TRPM2: variants seen among roughly 807,000 people sequenced by gnomAD.
The protein encoded by TRPM2 is transient receptor potential cation channel subfamily M member 2.
A neutral mutation model predicts 174.0 loss-of-function variants in TRPM2; 161 were observed. The observed-to-expected ratio is 0.93, with a 90% CI of 0.81 to 1.05. The LOEUF is 1.05. Ranked by LOEUF, TRPM2 falls within the 50% of genes least tolerant of loss-of-function variation. The pLI, the probability that TRPM2 is intolerant of heterozygous loss-of-function variation, is 0.00. For missense variants in TRPM2, 2,057 were observed against 2,038.0 expected, an observed-to-expected ratio of 1.01 and a Z score of -0.18; for synonymous variants, 954 against 861.3, an observed-to-expected ratio of 1.11 and a Z score of -1.88.
rs199973362 is a variant in TRPM2, at chr21:44,382,866, T to G, written c.1318+46T>G. 5.2e-3 allele frequency: 7,967 copies of G among 1,535,018 alleles called. 25 individuals are homozygous for G. The highest frequency in any genetic ancestry group is 6.5e-3 in the Non-Finnish European group (7,275 of 1,119,416). ...GGGCAATGGGGTGGAGGCCAGAACG[T>G]GAGCTCTGAGGACGCCAAGTTCTAG... is the stretch of plus-strand genomic sequence containing the variant. On this transcript the variant is annotated intron_variant, in intron 9 of 31. Transcript: ENST00000397928.
chr21:44,374,767 G>A (rs780523069), intron 5 of TRPM2, among the ~76,000 whole-genome samples: 1 of 152,066 alleles, frequency 6.6e-6, no homozygotes, highest in East Asian at 1.9e-4. Flanking sequence ...ATGAAGCTTC[G>A]CTCGTTCACC....
At position 44,367,823 on chromosome 21, in the gene TRPM2, G is replaced by A. The variant is rs898959741; in HGVS notation, c.604+889G>A. Among the ~76,000 whole-genome samples the A allele has an allele frequency of 1.3e-5, 2 of 152,268 alleles. No homozygotes were observed. The highest frequency in any genetic ancestry group is 2.1e-4 in the South Asian group (1 of 4,830). On this transcript the variant is annotated intron_variant, in intron 4 of 31. Coordinates refer to ENST00000397928, the MANE Select transcript of TRPM2 (RefSeq NM_003307.4). The surrounding 1 kb of genome is among the most constrained non-coding windows in gnomAD (Gnocchi z 4.6). ...TGTCTGCCTGGTGAGCGTGAGGCAC[G>A]GCTGCATCTTTTGACCTGTGAGTCC...
In TRPM2 at chr21:44,354,560, C is replaced by G. The variant is rs2048001536; in HGVS notation, c.166-88C>G. 3.4e-6 allele frequency: 4 copies of G among 1,190,136 alleles called. No homozygotes were observed. Among genetic ancestry groups the G allele is most frequent in the Non-Finnish European group, 5.0e-6 (4 of 800,866 alleles). The allele number at this position is 1,190,136 out of a possible 1,614,324, so 73.7% of individuals were successfully genotyped here. A position where few individuals can be genotyped will look rare whatever the true frequency, so the allele number is the denominator to read the frequency against. On this transcript the variant is annotated intron_variant, in intron 1 of 31. Coordinates refer to ENST00000397928, the MANE Select transcript of TRPM2 (RefSeq NM_003307.4). This position sits in a 1 kb window ranked among gnomAD's most constrained non-coding sequence, Gnocchi z 4.3. ...TTCCTTCAAGCAAATAGTGTGAAAG[C>G]TCCTCAAGGAGCTCAGATGTGTCTC...
At chr21:44,422,361 G>A (rs776250950) in intron 22 of TRPM2, 189 of 1,536,036 alleles carry the variant, frequency 1.2e-4, no homozygotes, top group Non-Finnish European at 1.4e-4. Context: ...ACGCGGGTCC[G>A]AGAAGGCTCC....
rs1569106318 is a variant in TRPM2, at chr21:44,425,825, G to C, written c.3793G>C (p.Glu1265Gln). ...FPVPNEKVPW[E>Q]TEFLIYDPPF... ...CGTGCCCAACGAGAAGGTGCCCTGG[G>C]AGGTGAGCGCCTGCCCAAGCCCAAC... Residue 1265 changes from glutamate (E) to glutamine (Q), a missense_variant and splice_region_variant, in exon 25 of 32, where the codon GAG (glutamate) becomes CAG (glutamine). By Grantham distance (29) the Glu-to-Gln change is conservative (BLOSUM62 2). Transcript: ENST00000397928. The C allele has an allele frequency of 1.3e-6, 2 of 1,569,792 alleles. No individual in the cohort carries two copies.
intron 17 of TRPM2, among the ~76,000 whole-genome samples, 189 bp from the exon 18 acceptor site, chr21:44,405,716 T>C (rs2049846229): frequency 6.6e-6 from 1 of 152,134 alleles, no homozygotes; most frequent in African/African-American, 2.4e-5. Context: ...GCTGGGCGTC[T>C]GAAGAAAAGT....
chr21:44,402,664 G>A (rs559740088), intron 16 of TRPM2, among the ~76,000 whole-genome samples: 1 of 152,296 alleles, frequency 6.6e-6, no homozygotes, highest in South Asian at 2.1e-4. Flanking sequence ...CCCTCATCAG[G>A]CGGACATTCC....
chr21:44,351,194 G>C (rs2122996746), upstream of TRPM2, among the ~76,000 whole-genome samples: 4 of 152,214 alleles, frequency 2.6e-5, no homozygotes, highest in Non-Finnish European at 4.4e-5. Flanking sequence ...CTCTCGAGTC[G>C]CCTGGTCCTG....
rs1033104588 is a variant in TRPM2, at chr21:44,422,287, G to A, written c.3462-1358G>A. ...GCCCACAGGGCAGGGCTGGAGCTTT[G>A]GGGGTCAAGGACAAGCTCTGTCTGC... On this transcript the variant is annotated intron_variant, in intron 22 of 31. Coordinates refer to ENST00000397928, the MANE Select transcript of TRPM2 (RefSeq NM_003307.4). The A allele has an allele frequency of 3.9e-6, 6 of 1,535,934 alleles. No homozygotes were observed. In the African/African-American group the frequency reaches 8.2e-5, roughly 21 times the overall value.
At chr21:44,355,404 C>G (rs1353791852) in intron 2 of TRPM2, among the ~76,000 whole-genome samples, 30 of 152,230 alleles carry the variant, frequency 2.0e-4, no homozygotes, top group Admixed American at 2.0e-3. Context: ...ATTTCATGCT[C>G]TTCCACAAAT....
chr21:44,377,707 T>C lies in TRPM2; in HGVS notation c.953-5T>C, dbSNP rs762556780. 2 of 1,614,100 alleles carry C rather than the reference T, an allele frequency of 1.2e-6. No individual in the cohort carries two copies. The highest frequency in any genetic ancestry group is 1.7e-5 in the Admixed American group (1 of 60,030). Reference sequence around the variant, plus strand: ...GGCCCTCACTCGGCTGTGTGCTTTTTCTAGGTGTGGCCATCAAGATCCCCA... The same window carrying C: ...GGCCCTCACTCGGCTGTGTGCTTTTCCTAGGTGTGGCCATCAAGATCCCCA... On this transcript the variant is annotated splice_region_variant and splice_polypyrimidine_tract_variant and intron_variant, in intron 6 of 31. Transcript: ENST00000397928.
chr21:44,407,941 T>C lies in TRPM2; in HGVS notation c.2962+1176T>C, dbSNP rs551106893. Among the ~76,000 whole-genome samples, 9 of 151,868 alleles carry C rather than the reference T, an allele frequency of 5.9e-5. No individual in the cohort carries two copies. In the South Asian group the frequency reaches 1.0e-3, roughly 18 times the overall value. On this transcript the variant is annotated intron_variant, in intron 19 of 31. Coordinates refer to ENST00000397928, the MANE Select transcript of TRPM2 (RefSeq NM_003307.4). ...ATTAATTAATATTTAATTTTTTTTTTCCCCTAGAGGGAGTCTCGCTCTGTT... is the reference window on the plus strand; with the variant it reads ...ATTAATTAATATTTAATTTTTTTTTCCCCCTAGAGGGAGTCTCGCTCTGTT...
At chr21:44,400,671 C>T (rs1398990035) in intron 15 of TRPM2, among the ~76,000 whole-genome samples, 1 of 152,234 alleles carries the variant, frequency 6.6e-6, no homozygotes, top group East Asian at 1.9e-4. Flanking sequence ...CTCCTGCCGG[C>T]ACTGTAGACC....
Position 44,427,037 on chromosome 21 carries a change from G to T in TRPM2, c.3900G>T (p.Gln1300His). The change falls in exon 27 of 32, where the codon CAG (glutamine) becomes CAT (histidine). Residue 1300 changes from glutamine (Q) to histidine (H), a missense_variant. Coordinates refer to ENST00000397928, the MANE Select transcript of TRPM2 (RefSeq NM_003307.4). ...CCCTGGAGCCACTGTCCACGATCCA[G>T]TACAACGTGGTGGATGGCCTGAGGG... ...GDTLEPLSTI[Q>H]YNVVDGLRDR... 1 of 1,606,158 alleles carries T rather than the reference G, an allele frequency of 6.2e-7. No individual in the cohort carries two copies.
In TRPM2 at chr21:44,397,369, T is replaced by TA. The variant is rs976718443; in HGVS notation, c.1933-370dup. 3.9e-5 allele frequency among the ~76,000 whole-genome samples: 6 copies of TA among 152,022 alleles called. No homozygotes were observed. In the East Asian group the frequency reaches 5.8e-4, roughly 15 times the overall value. ...GGAATTTTTAAATTAAAAGTTCTGC[T>TA]AAAAAAAACTGGTTCTGTGGTTATG... On this transcript the variant is annotated intron_variant, in intron 12 of 31. Coordinates refer to ENST00000397928, the MANE Select transcript of TRPM2 (RefSeq NM_003307.4).
intron 11 of TRPM2, among the ~76,000 whole-genome samples, chr21:44,394,813 G>A (rs535970178): frequency 2.6e-5 from 4 of 152,304 alleles, no homozygotes; most frequent in Admixed American, 6.5e-5. Context: ...CACTTGAGGT[G>A]TGTTTTGTAC....
intron 7 of TRPM2, 79 bp downstream of exon 7, chr21:44,377,852 C>T: frequency 1.3e-6 from 2 of 1,518,384 alleles, no homozygotes; most frequent in Non-Finnish European, 1.8e-6. Flanking sequence ...GTGCTTGTCT[C>T]AGAACTCAAG....
At position 44,439,213 on chromosome 21, in the gene TRPM2, G is replaced by T; in HGVS notation, c.4269+45G>T. 6.4e-7 allele frequency: 1 copy of T among 1,562,190 alleles called. No individual in the cohort carries two copies. The stretch of plus-strand genomic sequence containing the variant: ...TCTGTTCCACCTGTGTGTCCCCAGG[G>T]CTGCAGGACAAACACAGTGTGATAC... On this transcript the variant is annotated intron_variant, in intron 30 of 31. Transcript: ENST00000397928. This position sits in a 1 kb window ranked among gnomAD's most constrained non-coding sequence, Gnocchi z 5.1.
Position 44,391,658 on chromosome 21 carries a change from C to T in TRPM2, c.1794+33C>T, listed in dbSNP as rs1396059829. 6 of 1,514,400 alleles carry T rather than the reference C, an allele frequency of 4.0e-6. No individual in the cohort carries two copies. Among genetic ancestry groups the T allele is most frequent in the Non-Finnish European group, 3.5e-6 (4 of 1,134,420 alleles). The allele number at this position is 1,514,400 out of a possible 1,614,324, so 93.8% of individuals were successfully genotyped here. The stretch of plus-strand genomic sequence containing the variant: ...CTGGTAACGGGGCCCATCCTGGACT[C>T]GTCTTCGCGGGCTACTGCTATGTTC... On this transcript the variant is annotated intron_variant, in intron 11 of 31. Coordinates refer to ENST00000397928, the MANE Select transcript of TRPM2 (RefSeq NM_003307.4). This position sits in a 1 kb window ranked among gnomAD's most constrained non-coding sequence, Gnocchi z 5.0.
Sources: gnomAD v4.1 joint callset for allele counts (sites outside exome capture counted in the v4.1 genomes callset) on GRCh38, gnomAD v4.1.1 for gene constraint, Gnocchi (gnomAD v3.1) non-coding constraint, MANE v1.5 for transcripts, NCBI Gene and HGNC (gene_info 2026-07-23, HGNC 2026-07-21) for gene names.